PAX5: variants seen among roughly 807,000 people sequenced by gnomAD.
PAX5 encodes paired box protein Pax-5.
Under a neutral mutation model 43.7 loss-of-function variants are expected in PAX5, and 9 were observed. The ratio of observed to expected loss-of-function variants is 0.21; its 90% confidence interval spans 0.12 to 0.36. The LOEUF is 0.36. PAX5 is among the 10% of genes least tolerant of loss of function. The pLI is 1.00. For missense variants in PAX5, 383 were observed against 532.7 expected (o/e 0.72, Z 2.77); for synonymous variants, 228 against 214.3 (o/e 1.06, Z -0.56).
chr9:36,962,402 G>C (rs534144589), intron 6 of PAX5, among the ~76,000 whole-genome samples: 1 of 152,222 alleles, frequency 6.6e-6, no homozygotes, highest in African/African-American at 2.4e-5. Flanking sequence ...GAAACTCCTT[G>C]AATAAACAAT....
chr9:36,929,608 C>G (rs1170963461), intron 6 of PAX5, among the ~76,000 whole-genome samples: 1 of 152,260 alleles, frequency 6.6e-6, no homozygotes, highest in Non-Finnish European at 1.5e-5. Flanking sequence ...CCCTCTTCAT[C>G]AGGGCACCCT....
At chr9:36,969,339 G>A (rs1834730411) in intron 5 of PAX5, among the ~76,000 whole-genome samples, 1 of 152,142 alleles carries the variant, frequency 6.6e-6, no homozygotes, top group Non-Finnish European at 1.5e-5. Flanking sequence ...TCCTCCCAGA[G>A]GAGTCCTCAG....
chr9:36,998,635 T>C (rs1837599094), intron 5 of PAX5, among the ~76,000 whole-genome samples: 1 of 152,232 alleles, frequency 6.6e-6, no homozygotes, highest in Non-Finnish European at 1.5e-5. Context: ...GAGGAGCTAA[T>C]TTTTTTATTT....
chr9:36,963,769 G>A (rs936712025), intron 6 of PAX5, among the ~76,000 whole-genome samples: 2 of 152,182 alleles, frequency 1.3e-5, no homozygotes, highest in African/African-American at 2.4e-5. Context: ...AGTCTCACAC[G>A]GAGTGTCTGT....
intron 7 of PAX5, among the ~76,000 whole-genome samples, chr9:36,898,385 A>T (rs1386589910): frequency 1.3e-5 from 2 of 152,156 alleles, no homozygotes; most frequent in Non-Finnish European, 2.9e-5. Context: ...GGTCTGAGCC[A>T]CATCACCTGG....
intron 5 of PAX5, among the ~76,000 whole-genome samples, chr9:36,988,768 T>TC (rs1213329374): frequency 1.3e-5 from 2 of 150,000 alleles, no homozygotes; most frequent in East Asian, 1.9e-4. Context: ...AGATTCAGAG[T>TC]AAAAACACTT....
At chr9:37,031,683 T>C (rs569014591) in intron 1 of PAX5, among the ~76,000 whole-genome samples, 14 of 152,074 alleles carry the variant, frequency 9.2e-5, no homozygotes, top group African/African-American at 3.4e-4. Context: ...TCCCTTCCCC[T>C]CTCCGAACCT....
At chr9:36,988,391 G>A (rs1043827338) in intron 5 of PAX5, among the ~76,000 whole-genome samples, 3 of 152,022 alleles carry the variant, frequency 2.0e-5, no homozygotes, top group Admixed American at 2.0e-4. Flanking sequence ...CATTAAAAAA[G>A]AAAGAAAGCC....
At chr9:37,026,481 C>A (rs1810161160) in intron 1 of PAX5, 1 of 1,303,232 alleles carries the variant, frequency 7.7e-7, no homozygotes, top group African/African-American at 1.5e-5. Flanking sequence ...TCCGGCACCC[C>A]CAACCCGGTC....
rs67081521 is a variant in PAX5, at chr9:37,003,154, T to TAA, written c.476-380_476-379dup. Among the ~76,000 whole-genome samples the TAA allele has an allele frequency of 5.6e-3, 424 of 75,814 alleles. 14 individuals are homozygous for TAA. Among genetic ancestry groups the TAA allele is most frequent in the African/African-American group, 0.021 (393 of 18,696 alleles). 49.7% of individuals were successfully genotyped at this position (75,814 alleles called of 152,430 possible). ...CCGGGGCCCACCAACAGTCAGTGCT[T>TAA]AAAAAAAAAAAAAAAAAAAAAAAAA... On this transcript the variant is annotated intron_variant, in intron 4 of 9. Transcript: ENST00000358127.
intron 5 of PAX5, among the ~76,000 whole-genome samples, chr9:36,978,705 T>G (rs1294244100): frequency 1.3e-5 from 2 of 152,100 alleles, no homozygotes; most frequent in East Asian, 3.9e-4. Flanking sequence ...TTCTCCAAGA[T>G]GGGTATGGGT....
chr9:36,856,591 G>A (rs1823691544), intron 8 of PAX5: 4 of 151,902 alleles, frequency 2.6e-5, no homozygotes. Flanking sequence ...AGGCTGGAGT[G>A]CAGTGGTGCA....
chr9:36,847,516 C>G (rs1437566331), intron 8 of PAX5, among the ~76,000 whole-genome samples: 1 of 152,196 alleles, frequency 6.6e-6, no homozygotes, highest in East Asian at 1.9e-4. Flanking sequence ...AACCCAGGCC[C>G]TCTGCCTGGA....
In PAX5 at chr9:36,882,314, A is replaced by G. The variant is rs1463222583; in HGVS notation, c.911-209T>C. Among the ~76,000 whole-genome samples the G allele has an allele frequency of 1.3e-5, 2 of 151,432 alleles. No individual in the cohort carries two copies. The highest frequency in any genetic ancestry group is 4.9e-5 in the African/African-American group (2 of 41,050). On this transcript the variant is annotated intron_variant, in intron 7 of 9. Coordinates refer to ENST00000358127, the MANE Select transcript of PAX5 (RefSeq NM_016734.3). This position sits in a 1 kb window ranked among gnomAD's most constrained non-coding sequence, Gnocchi z 4.4. The stretch of plus-strand genomic sequence containing the variant: ...CACACACTCATGCACACACATCTCC[A>G]GCCACCCTCGCTCCACTCAGCAAGA...
At chr9:36,841,117 G>T (rs1822009643) in intron 9 of PAX5, among the ~76,000 whole-genome samples, 1 of 152,196 alleles carries the variant, frequency 6.6e-6, no homozygotes, top group Admixed American at 6.5e-5. Flanking sequence ...GCCTGCAGGT[G>T]CTCTGTGAGC....
At chr9:37,022,135 A>G (rs989472538) in intron 1 of PAX5, among the ~76,000 whole-genome samples, 1 of 152,182 alleles carries the variant, frequency 6.6e-6, no homozygotes, top group Non-Finnish European at 1.5e-5. Context: ...TCCCATGAAT[A>G]TTTCCCAAAA....
intron 7 of PAX5, among the ~76,000 whole-genome samples, chr9:36,921,533 C>T (rs1370752453): frequency 6.6e-6 from 1 of 152,240 alleles, no homozygotes; most frequent in Non-Finnish European, 1.5e-5. Flanking sequence ...TGACAAGCCA[C>T]TCAACTGCCC....
At chr9:36,868,299 C>T (rs879785566) in intron 8 of PAX5, among the ~76,000 whole-genome samples, 4 of 152,184 alleles carry the variant, frequency 2.6e-5, no homozygotes, top group Non-Finnish European at 5.9e-5. Context: ...ATCCCACCCA[C>T]AGCTACTGAG....
intron 8 of PAX5, among the ~76,000 whole-genome samples, chr9:36,859,942 G>A (rs1824038054): frequency 6.6e-6 from 1 of 152,120 alleles, no homozygotes; most frequent in Non-Finnish European, 1.5e-5. Context: ...GGCTGAGGCA[G>A]GAGAATGGTG....
Sources: gnomAD v4.1 joint callset for allele counts (sites outside exome capture counted in the v4.1 genomes callset) on GRCh38, gnomAD v4.1.1 for gene constraint, Gnocchi (gnomAD v3.1) non-coding constraint, MANE v1.5 for transcripts, NCBI Gene and HGNC (gene_info 2026-07-23, HGNC 2026-07-21) for gene names.